Variants in PTPRA observed in about 807,000 individuals in gnomAD.
The protein encoded by PTPRA is receptor-type tyrosine-protein phosphatase alpha.
PTPRA carries 25 observed loss-of-function variants against 104.8 expected under a neutral mutation model. The ratio of observed to expected loss-of-function variants is 0.24; its 90% CI spans 0.17 to 0.33. The LOEUF is 0.33. Among genes scored for constraint, PTPRA ranks in the 10% least tolerant of loss-of-function variants. PTPRA has a pLI of 1.00. For missense variants in PTPRA, 765 were observed against 1,015.3 expected (o/e 0.75, Z 3.35); for synonymous variants, 323 against 368.9 (o/e 0.88, Z 1.43).
chr20:2,874,074 G>A (rs2089541214), intron 1 of PTPRA, among the ~76,000 whole-genome samples: 1 of 152,188 alleles, frequency 6.6e-6, no homozygotes, highest in Non-Finnish European at 1.5e-5. Flanking sequence ...ACTTAGAACG[G>A]CGAGAACAGA....
intron 1 of PTPRA, among the ~76,000 whole-genome samples, chr20:2,887,386 G>A (rs2090446514): frequency 6.6e-6 from 1 of 152,164 alleles, no homozygotes; most frequent in South Asian, 2.1e-4. Flanking sequence ...ACTGGGCAGG[G>A]TATAGAGACT....
intron 2 of PTPRA, among the ~76,000 whole-genome samples, chr20:2,925,154 A>T (rs2060248633): frequency 6.6e-6 from 1 of 152,102 alleles, no homozygotes; most frequent in African/African-American, 2.4e-5. Context: ...TCATCTCCCC[A>T]AACTGAAACT....
intron 13 of PTPRA, 103 bp from the exon 14 acceptor site, chr20:3,021,206 G>C: frequency 6.6e-7 from 1 of 1,508,326 alleles, no homozygotes; most frequent in Non-Finnish European, 9.1e-7. Context: ...GGGCCTTCTG[G>C]GGGACTTTAA....
chr20:2,955,337 ACT>A (rs1044864818), intron 3 of PTPRA, among the ~76,000 whole-genome samples: 7 of 152,034 alleles, frequency 4.6e-5, no homozygotes, highest in African/African-American at 1.7e-4. Flanking sequence ...AATCTGACTG[ACT>A]CTTTTGCCTC....
chr20:2,876,885 C>T (rs1417733033), intron 1 of PTPRA, among the ~76,000 whole-genome samples: 1 of 152,148 alleles, frequency 6.6e-6, no homozygotes, highest in Admixed American at 6.5e-5. Context: ...CCTACTTTTC[C>T]TCCACAAATC....
chr20:3,033,858 C>T (rs1030785818), intron 20 of PTPRA, among the ~76,000 whole-genome samples: 2 of 149,154 alleles, frequency 1.3e-5, no homozygotes, highest in East Asian at 3.9e-4. Flanking sequence ...CAAGATCGCG[C>T]CATTGCACTC....
chr20:2,960,390 C>T (rs1228048927), intron 3 of PTPRA, among the ~76,000 whole-genome samples: 4 of 151,794 alleles, frequency 2.6e-5, no homozygotes, highest in African/African-American at 9.7e-5. Context: ...GCTGGGACTA[C>T]AGGTGCCCGC....
At chr20:2,977,598 TTGCGTGAC>T (rs1245230745) in intron 6 of PTPRA, among the ~76,000 whole-genome samples, 1 of 151,260 alleles carries the variant, frequency 6.6e-6, no homozygotes, top group Non-Finnish European at 1.5e-5. Context: ...TGAGCCAAGA[TTGCGTGAC>T]TGTACTCTAG....
At chr20:3,018,318 C>T (rs2064578236) in intron 13 of PTPRA, among the ~76,000 whole-genome samples, 1 of 152,016 alleles carries the variant, frequency 6.6e-6, no homozygotes, top group Non-Finnish European at 1.5e-5. Context: ...GGAAGGTCAG[C>T]AGATAAACAA....
At chr20:3,019,900 C>G (rs1204534110) in intron 13 of PTPRA, among the ~76,000 whole-genome samples, 1 of 152,096 alleles carries the variant, frequency 6.6e-6, no homozygotes, top group African/African-American at 2.4e-5. Flanking sequence ...AGCGAAACCC[C>G]GTCTCCACCA....
chr20:2,865,308 C>G, the PTPRA span: 2 of 1,614,184 alleles, frequency 1.2e-6, no homozygotes, highest in South Asian at 2.2e-5. This position sits in a 1 kb window ranked among gnomAD's most constrained non-coding sequence, Gnocchi z 5.2. Context: ...TTCCGCATCC[C>G]TGACAAGAGG....
At chr20:3,011,181 G>T (rs1222533402) in intron 11 of PTPRA, among the ~76,000 whole-genome samples, 1 of 152,202 alleles carries the variant, frequency 6.6e-6, no homozygotes, top group Non-Finnish European at 1.5e-5. Flanking sequence ...TTATTAGTAG[G>T]CAGAGTTTAC....
chr20:2,889,985 G>A (rs750054628), intron 1 of PTPRA, among the ~76,000 whole-genome samples: 3 of 152,046 alleles, frequency 2.0e-5, no homozygotes, highest in Admixed American at 6.6e-5. Context: ...CTGGGCTCAA[G>A]TGATCCTCCC....
intron 1 of PTPRA, among the ~76,000 whole-genome samples, chr20:2,881,480 A>G (rs115108234): frequency 1.8e-4 from 28 of 152,248 alleles, no homozygotes; most frequent in African/African-American, 6.5e-4. Flanking sequence ...GCTTTACAAA[A>G]TTTTGCTAAC....
Position 2,895,494 on chromosome 20 carries a change from G to C in PTPRA, c.-129+21734G>C, listed in dbSNP as rs187130718. Among the ~76,000 whole-genome samples, 7 of 152,156 alleles carry C rather than the reference G, an allele frequency of 4.6e-5. No homozygotes were observed. In the South Asian group the frequency reaches 6.2e-4, roughly 14 times the overall value. ...TCATTTTAAGATTGTCATGACAACT[G>C]TAGTATTGATAACTGTATTTTATTT... On this transcript the variant is annotated intron_variant, in intron 1 of 23. Coordinates refer to ENST00000399903, the MANE Select transcript of PTPRA (RefSeq NM_001385305.1).
intron 10 of PTPRA, among the ~76,000 whole-genome samples, chr20:3,006,126 G>A (rs912354126): frequency 2.6e-5 from 4 of 151,390 alleles, no homozygotes; most frequent in Admixed American, 2.6e-4. Flanking sequence ...CCCAAGTGTT[G>A]GGATTACAAG....
chr20:2,899,367 C>T (rs577394647), intron 1 of PTPRA, among the ~76,000 whole-genome samples: 32 of 152,204 alleles, frequency 2.1e-4, no homozygotes, highest in Admixed American at 1.8e-3. Flanking sequence ...AAACAGCAGG[C>T]GCACCATACT....
At chr20:2,912,859 G>T (rs2059773738) in intron 1 of PTPRA, among the ~76,000 whole-genome samples, 1 of 152,290 alleles carries the variant, frequency 6.6e-6, no homozygotes, top group South Asian at 2.1e-4. Flanking sequence ...ATAAGTAGGG[G>T]TAATGGGGTA....
In PTPRA at chr20:2,923,232, G is replaced by A. The variant is rs894486582; in HGVS notation, c.-103G>A. 1 of 1,265,894 alleles carries A rather than the reference G, an allele frequency of 7.9e-7. No individual in the cohort carries two copies. The highest frequency in any genetic ancestry group is 1.6e-5 in the African/African-American group (1 of 64,498). The allele number at this position is 1,265,894 out of a possible 1,614,324, so 78.4% of individuals were successfully genotyped here. A position where few individuals can be genotyped will look rare whatever the true frequency, so the allele number is the denominator to read the frequency against. On this transcript the variant is annotated 5_prime_UTR_variant, in exon 2 of 24. Transcript: ENST00000399903. ...GTGACACAACTAAAAAAAAACAAAG[G>A]TATTTATGGAATTCCACTGAGTGGT...
Sources: allele counts gnomAD v4.1 joint callset (sites outside exome capture counted in the v4.1 genomes callset), GRCh38; gene constraint gnomAD v4.1.1; non-coding constraint Gnocchi (gnomAD v3.1); transcripts MANE v1.5; gene names NCBI Gene and HGNC (gene_info 2026-07-23, HGNC 2026-07-21).